SLC23A2: variants seen among roughly 807,000 people sequenced by gnomAD.
SLC23A2 encodes solute carrier family 23 member 2.
SLC23A2 carries 36 observed loss-of-function variants against 73.3 expected under a neutral mutation model. That is an observed-to-expected ratio of 0.49 (90% CI 0.38 to 0.65). The LOEUF (loss-of-function observed/expected upper bound fraction) is 0.65, where lower values mean the gene tolerates loss of function less well. SLC23A2 is among the 30% of genes least tolerant of loss of function. The pLI is 0.00. For missense variants in SLC23A2, 507 were observed against 841.6 expected (o/e 0.60, Z 4.92); for synonymous variants, 343 against 327.3 (o/e 1.05, Z -0.52).
Position 4,998,787 on chromosome 20 carries a change from C to G in SLC23A2, c.-282+2619G>C, listed in dbSNP as rs964673178. 6.7e-6 allele frequency among the ~76,000 whole-genome samples: 1 copy of G among 149,276 alleles called. No individual in the cohort carries two copies. Among genetic ancestry groups the G allele is most frequent in the Non-Finnish European group, 1.5e-5 (1 of 67,566 alleles). ...ACATGTACAAAGCACCATATAATTT[C>G]AAATCATTACTGTTGATCTTTTTTT... On this transcript the variant is annotated intron_variant, in intron 1 of 16. Coordinates refer to ENST00000338244, the MANE Select transcript of SLC23A2 (RefSeq NM_005116.6). The surrounding 1 kb of genome is among the most constrained non-coding windows in gnomAD (Gnocchi z 4.1).
Position 4,857,931 on chromosome 20 carries a change from A to AAAAC in SLC23A2, c.1721-728_1721-727insGTTT. Among the ~76,000 whole-genome samples, 1 of 151,898 alleles carries AAAAC rather than the reference A, an allele frequency of 6.6e-6. No homozygotes were observed. Among genetic ancestry groups the AAAAC allele is most frequent in the Non-Finnish European group, 1.5e-5 (1 of 68,014 alleles). The stretch of plus-strand genomic sequence containing the variant: ...GGGCAACAGAGCAAGACTCTGTCTT[A>AAAAC]AAAACAAAACAAAACAAAACAAAAC... On this transcript the variant is annotated intron_variant, in intron 16 of 16. Coordinates refer to ENST00000338244, the MANE Select transcript of SLC23A2 (RefSeq NM_005116.6). The surrounding 1 kb of genome is among the most constrained non-coding windows in gnomAD (Gnocchi z 4.0).
intron 6 of SLC23A2, among the ~76,000 whole-genome samples, chr20:4,894,852 G>A (rs1374815138): frequency 2.0e-5 from 3 of 152,156 alleles, no homozygotes; most frequent in African/African-American, 7.2e-5. Flanking sequence ...TTTATAGAAT[G>A]AAACAGGTTT....
intron 9 of SLC23A2, among the ~76,000 whole-genome samples, chr20:4,877,047 G>A (rs535324651): frequency 6.6e-6 from 1 of 152,064 alleles, no homozygotes; most frequent in Non-Finnish European, 1.5e-5. Flanking sequence ...AGCATTAGGA[G>A]ATATACCTAA....
chr20:4,902,559 C>T lies in SLC23A2; in HGVS notation c.208-1G>A. ...TATCCAGGGTCTCAGCGAGAGAGCT[C>T]TGCGAGCCAGAAGGAGAAAAGAAGG... On this transcript the variant is annotated splice_acceptor_variant, in intron 4 of 16. Transcript: ENST00000338244. LOFTEE classifies it high-confidence loss of function. This position sits in a 1 kb window ranked among gnomAD's most constrained non-coding sequence, Gnocchi z 4.0. The T allele has an allele frequency of 6.3e-7, 1 of 1,577,326 alleles. No homozygotes were observed. The highest frequency in any genetic ancestry group is 8.7e-7 in the Non-Finnish European group (1 of 1,151,382).
At chr20:4,889,118 A>C (rs1427724130) in intron 6 of SLC23A2, among the ~76,000 whole-genome samples, 1 of 152,202 alleles carries the variant, frequency 6.6e-6, no homozygotes, top group Non-Finnish European at 1.5e-5. Context: ...CGTGAAGAAG[A>C]CACTAATCAT....
intron 2 of SLC23A2, among the ~76,000 whole-genome samples, chr20:4,970,544 A>G (rs954450649): frequency 6.6e-6 from 1 of 151,964 alleles, no homozygotes; most frequent in African/African-American, 2.4e-5. Flanking sequence ...ACCAGCCTAG[A>G]TAATATAGTG....
intron 4 of SLC23A2, among the ~76,000 whole-genome samples, chr20:4,905,264 T>A (rs1201850994): frequency 6.6e-6 from 1 of 151,984 alleles, no homozygotes; most frequent in Non-Finnish European, 1.5e-5. Context: ...AGTGTAAAGG[T>A]CCACAACTGG....
intron 1 of SLC23A2, among the ~76,000 whole-genome samples, chr20:4,978,237 G>C (rs2087674313): frequency 6.6e-6 from 1 of 152,152 alleles, no homozygotes; most frequent in Non-Finnish European, 1.5e-5. Flanking sequence ...GTGCTAATAA[G>C]TCAAGCTCAG....
chr20:4,917,265 C>T (rs1027607573), intron 3 of SLC23A2, among the ~76,000 whole-genome samples: 1 of 152,134 alleles, frequency 6.6e-6, no homozygotes. Flanking sequence ...AAAGGAATGA[C>T]CCTTTGGCAC....
Position 4,883,520 on chromosome 20 carries a change from C to A in SLC23A2, c.824+122G>T. The A allele has an allele frequency of 1.3e-6, 1 of 754,782 alleles. No homozygotes were observed. The highest frequency in any genetic ancestry group is 2.1e-5 in the South Asian group (1 of 48,646). 46.8% of individuals were successfully genotyped at this position (754,782 alleles called of 1,614,324 possible). A position where few individuals can be genotyped will look rare whatever the true frequency, so the allele number is the denominator to read the frequency against. ...CCTTCAACTATTCCCCAGCACGAAG[C>A]AAATAAAGTTGAAACTGTCAGACCA... On this transcript the variant is annotated intron_variant, in intron 9 of 16. Coordinates refer to ENST00000338244, the MANE Select transcript of SLC23A2 (RefSeq NM_005116.6). The surrounding 1 kb of genome is among the most constrained non-coding windows in gnomAD (Gnocchi z 4.5).
At chr20:4,954,841 G>A (rs963749162) in intron 2 of SLC23A2, among the ~76,000 whole-genome samples, 1 of 152,004 alleles carries the variant, frequency 6.6e-6, no homozygotes, top group Non-Finnish European at 1.5e-5. Context: ...CATACCAAAG[G>A]CAATGAGATA....
chr20:4,908,918 A>G (rs1227134075), intron 4 of SLC23A2, among the ~76,000 whole-genome samples: 2 of 152,234 alleles, frequency 1.3e-5, no homozygotes, highest in Non-Finnish European at 2.9e-5. Flanking sequence ...TGAATGACAG[A>G]GCAAGACTAT....
chr20:4,965,619 C>G (rs550094439), intron 2 of SLC23A2, among the ~76,000 whole-genome samples: 3 of 151,842 alleles, frequency 2.0e-5, no homozygotes, highest in Admixed American at 2.0e-4. Context: ...AAAAAATTAG[C>G]CAGGTATGGT....
At chr20:4,920,254 C>T (rs1932459075) in intron 3 of SLC23A2, among the ~76,000 whole-genome samples, 1 of 152,140 alleles carries the variant, frequency 6.6e-6, no homozygotes, top group Non-Finnish European at 1.5e-5. Context: ...GAACGAGACT[C>T]CACCAAACTA....
In SLC23A2 at chr20:4,936,705, G is replaced by C. The variant is rs149061048; in HGVS notation, c.-154-3989C>G. Among the ~76,000 whole-genome samples, 15 of 152,262 alleles carry C rather than the reference G, an allele frequency of 9.9e-5. No individual in the cohort carries two copies. The East Asian group carries it at 2.9e-3, about 29-fold the overall frequency. ...AGCAAACCCCTCCCCACCGTCCCCA[G>C]CGCTAGGAACACACAGTTCCATCCC... On this transcript the variant is annotated intron_variant, in intron 2 of 16. Coordinates refer to ENST00000338244, the MANE Select transcript of SLC23A2 (RefSeq NM_005116.6).
At chr20:5,003,602 A>G (rs2088158638), upstream of SLC23A2, among the ~76,000 whole-genome samples, 2 of 150,950 alleles carry the variant, frequency 1.3e-5, no homozygotes, top group African/African-American at 4.9e-5. Context: ...CAGGGTCAAG[A>G]CCCCCTGAGC....
rs1384682830 is a variant in SLC23A2 at position 4,899,530 on chromosome 20, T to C, written c.482+25A>G. 22 of 1,609,572 alleles carry C rather than the reference T, an allele frequency of 1.4e-5. No individual in the cohort carries two copies. The highest frequency in any genetic ancestry group is 1.7e-5 in the Non-Finnish European group (20 of 1,176,524). On this transcript the variant is annotated intron_variant, in intron 6 of 16. Coordinates refer to ENST00000338244, the MANE Select transcript of SLC23A2 (RefSeq NM_005116.6). The surrounding 1 kb of genome is among the most constrained non-coding windows in gnomAD (Gnocchi z 4.9). The stretch of plus-strand genomic sequence containing the variant: ...TCAATGCCTTCTGGGGGCTTTGGCA[T>C]CCCCCATTAGTACCCCAATCTCACC...
chr20:5,002,713 AT>A (rs1274035390), upstream of SLC23A2, among the ~76,000 whole-genome samples: 2 of 152,180 alleles, frequency 1.3e-5, no homozygotes, highest in African/African-American at 4.8e-5. Flanking sequence ...TATTTATCTA[AT>A]AACTGCATTT....
chr20:4,974,958 T>G (rs535315150), intron 1 of SLC23A2, among the ~76,000 whole-genome samples: 1 of 152,242 alleles, frequency 6.6e-6, no homozygotes, highest in East Asian at 1.9e-4. Context: ...GGCTAATTTT[T>G]GTATTTTTAG....
Sources: allele counts gnomAD v4.1 joint callset (sites outside exome capture counted in the v4.1 genomes callset), GRCh38; gene constraint gnomAD v4.1.1; non-coding constraint Gnocchi (gnomAD v3.1); transcripts MANE v1.5; gene names NCBI Gene and HGNC (gene_info 2026-07-23, HGNC 2026-07-21).